TLN2: variants seen among roughly 807,000 people sequenced by gnomAD.
TLN2 encodes the protein talin-2.
In TLN2, 118 loss-of-function variants were observed where a neutral mutation model predicts 294.7. That is an observed-to-expected ratio of 0.40 (90% CI 0.34 to 0.47). The LOEUF (loss-of-function observed/expected upper bound fraction) is 0.47. Among genes scored for constraint, TLN2 ranks in the 20% least tolerant of loss-of-function variants. The pLI is 0.84. For synonymous variants in TLN2, 1,431 were observed against 1,304.5 expected, an observed-to-expected ratio of 1.10 and a Z score of -2.09; for missense variants, 3,083 against 3,282.2, an observed-to-expected ratio of 0.94 and a Z score of 1.48.
intron 54 of TLN2, chr15:62,828,488 CTG>C (rs1175001278): frequency 2.6e-5 from 4 of 152,260 alleles, no homozygotes; most frequent in Admixed American, 2.6e-4. Context: ...TTTCCCAGTG[CTG>C]TCTTGTTACA....
intron 25 of TLN2, among the ~76,000 whole-genome samples, chr15:62,720,580 A>G (rs932451468): frequency 1.3e-5 from 2 of 152,156 alleles, no homozygotes; most frequent in Non-Finnish European, 1.5e-5. Context: ...TAACTCTAAC[A>G]TGCAGAAATA....
At chr15:62,786,092 G>A (rs1165410524) in intron 45 of TLN2, among the ~76,000 whole-genome samples, 1 of 152,144 alleles carries the variant, frequency 6.6e-6, no homozygotes, top group African/African-American at 2.4e-5. Flanking sequence ...AATTTCCAGT[G>A]GCTTGCTAAG....
At chr15:62,496,776 G>C (rs908595080) in intron 1 of TLN2, among the ~76,000 whole-genome samples, 1 of 152,200 alleles carries the variant, frequency 6.6e-6, no homozygotes, top group African/African-American at 2.4e-5. Flanking sequence ...AATCGTCTCT[G>C]TTATGGATCG....
intron 1 of TLN2, among the ~76,000 whole-genome samples, chr15:62,447,003 T>C (rs150747982): frequency 6.6e-6 from 1 of 152,308 alleles, no homozygotes; most frequent in African/African-American, 2.4e-5. Context: ...CAAATGGGTT[T>C]TTAGGTCAGT....
chr15:62,649,764 A>G (rs1261978960), intron 4 of TLN2, among the ~76,000 whole-genome samples: 1 of 152,150 alleles, frequency 6.6e-6, no homozygotes, highest in African/African-American at 2.4e-5. Flanking sequence ...TTTTTATAGC[A>G]AGGGATAGAG....
In TLN2 at chr15:62,797,383, C is replaced by A; in HGVS notation, c.6215C>A (p.Ser2072Tyr). 5 of 1,606,874 alleles carry A rather than the reference C, an allele frequency of 3.1e-6. No homozygotes were observed. Among genetic ancestry groups the A allele is most frequent in the Admixed American group, 1.7e-5 (1 of 59,290 alleles). The change falls in exon 48 of 59, where the codon TCC becomes TAC. Residue 2072 changes from serine to tyrosine, a missense_variant. Transcript: ENST00000636159. ...AAGCTGGGGGCAGCCAGCCTGGGCT[C>A]CGACGACCCCGAGACCCAGGTACCA... ...VVKLGAASLG[S>Y]DDPETQVVLI...
chr15:62,763,807 GTTTCACCA>G, intron 40 of TLN2, 112 bp downstream of exon 40: 1 of 1,394,138 alleles, frequency 7.2e-7, no homozygotes, highest in Non-Finnish European at 9.4e-7. Context: ...TGTTGCTGGA[GTTTCACCA>G]TTAGACAGCC....
intron 1 of TLN2, among the ~76,000 whole-genome samples, chr15:62,415,568 C>G (rs2034024805): frequency 9.8e-6 from 1 of 101,702 alleles, no homozygotes; most frequent in African/African-American, 3.2e-5. Context: ...CTAACAGTGC[C>G]CATTCATTTA....
chr15:62,634,672 A>G (rs776423315), intron 3 of TLN2, among the ~76,000 whole-genome samples: 10 of 152,210 alleles, frequency 6.6e-5, no homozygotes, highest in Admixed American at 5.9e-4. Flanking sequence ...AAGACTTTTT[A>G]TCTGGCTTTA....
At chr15:62,687,539 A>G (rs541949530) in intron 12 of TLN2, among the ~76,000 whole-genome samples, 1 of 152,388 alleles carries the variant, frequency 6.6e-6, no homozygotes, top group Admixed American at 6.5e-5. Context: ...TGCCTTAACT[A>G]TAGCCACATT....
intron 1 of TLN2, among the ~76,000 whole-genome samples, chr15:62,397,598 TGAATCCTGATG>T (rs1253608377): frequency 2.0e-5 from 3 of 152,188 alleles, no homozygotes; most frequent in African/African-American, 7.2e-5. Context: ...TGTGACTCTC[TGAATCCTGATG>T]GGAGATCCAG....
chr15:62,826,120 G>A (rs963013755), intron 54 of TLN2, among the ~76,000 whole-genome samples: 8 of 151,408 alleles, frequency 5.3e-5, no homozygotes, highest in Admixed American at 1.3e-4. Context: ...CACAGAAAGG[G>A]GGCTTAAGAT....
rs748988612 is a variant in TLN2, at chr15:62,838,912, GGCA to G, written c.7434_7436del (p.Ala2479del). 1 of 1,612,498 alleles carries G rather than the reference GGCA, an allele frequency of 6.2e-7. No homozygotes were observed. The highest frequency in any genetic ancestry group is 1.1e-5 in the South Asian group (1 of 91,076). ...ACAATCTTGTCCGTGCAGCCCAGAA[GGCA>G]GCTTTTGGCAAAGCTGATGACGACG... On this transcript the variant is annotated inframe_deletion, in exon 58 of 59. Coordinates refer to ENST00000636159, the MANE Select transcript of TLN2 (RefSeq NM_015059.3).
At chr15:62,658,185 C>CAA (rs55907989) in intron 9 of TLN2, 134,757 of 168,594 alleles carry the variant, frequency 0.8, 55,351 homozygotes, top group East Asian at 0.92. Flanking sequence ...AAAAAAAAAC[C>CAA]AAAAAAAAAA....
chr15:62,755,644 C>T lies in TLN2; in HGVS notation c.4589C>T (p.Ser1530Leu). Reference protein sequence around the residue: ...NPVAKRHFVQSAKEVANSTAN... With the variant: ...NPVAKRHFVQLAKEVANSTAN... ...GTAGCCAAGAGGCACTTCGTCCAGT[C>T]AGCCAAGGAAGTCGCCAACAGCACT... The change falls in exon 37 of 59, where the codon TCA becomes TTA. Residue 1530 changes from serine to leucine, a missense_variant. Transcript: ENST00000636159. 6.2e-7 allele frequency: 1 copy of T among 1,614,258 alleles called. No homozygotes were observed. The highest frequency in any genetic ancestry group is 2.2e-5 in the East Asian group (1 of 44,894).
intron 1 of TLN2, among the ~76,000 whole-genome samples, chr15:62,580,510 A>G (rs1341966337): frequency 6.7e-6 from 1 of 149,080 alleles, no homozygotes; most frequent in South Asian, 2.1e-4. Flanking sequence ...TCCCAGGCTC[A>G]GGCAATCCTC....
At chr15:62,421,366 G>T (rs1017157752) in intron 1 of TLN2, among the ~76,000 whole-genome samples, 1 of 151,944 alleles carries the variant, frequency 6.6e-6, no homozygotes, top group Non-Finnish European at 1.5e-5. Context: ...CATAGAGAGG[G>T]GTGTAAAATG....
At chr15:62,448,461 C>T (rs1407694795) in intron 1 of TLN2, among the ~76,000 whole-genome samples, 1 of 152,170 alleles carries the variant, frequency 6.6e-6, no homozygotes, top group Non-Finnish European at 1.5e-5. Context: ...TCGGTTTATT[C>T]TGTTGTGTGT....
chr15:62,603,948 G>A (rs1385178354), intron 2 of TLN2, among the ~76,000 whole-genome samples: 3 of 152,162 alleles, frequency 2.0e-5, no homozygotes, highest in East Asian at 1.9e-4. Flanking sequence ...TGCCTATGTT[G>A]CAGCTATTCA....
Sources: gnomAD v4.1 joint callset for allele counts (sites outside exome capture counted in the v4.1 genomes callset) on GRCh38, gnomAD v4.1.1 for gene constraint, MANE v1.5 for transcripts, NCBI Gene and HGNC (gene_info 2026-07-23, HGNC 2026-07-21) for gene names.